Variants in EXTL3 observed in about 807,000 individuals in gnomAD.
EXTL3 encodes the protein exostosin like glycosyltransferase 3, also known as exostosin-like 3.
EXTL3 carries 27 observed loss-of-function variants against 69.3 expected under a neutral mutation model. The observed-to-expected ratio is 0.39, with a 90% CI of 0.29 to 0.54. The LOEUF (loss-of-function observed/expected upper bound fraction) is 0.54. EXTL3 is among the 20% of genes least tolerant of loss of function. The pLI, the probability that EXTL3 is intolerant of heterozygous loss-of-function variation, is 0.69. For synonymous variants in EXTL3, 511 were observed against 499.4 expected (o/e 1.02, Z -0.31); for missense variants, 1,003 against 1,231.8 (o/e 0.81, Z 2.78).
chr8:28,664,661 G>A (rs1272721734), intron 1 of EXTL3, among the ~76,000 whole-genome samples: 4 of 152,004 alleles, frequency 2.6e-5, no homozygotes, highest in African/African-American at 9.7e-5. Context: ...CTTTCCCCAG[G>A]CATTTGAAGA....
chr8:28,717,041 T>C lies in EXTL3; in HGVS notation c.982T>C (p.Phe328Leu). The C allele has an allele frequency of 1.2e-6, 2 of 1,614,192 alleles. No individual in the cohort carries two copies. The highest frequency in any genetic ancestry group is 1.7e-6 in the Non-Finnish European group (2 of 1,180,026). ...PLVHAMSEPN[F>L]MEIPPQVPVK... The stretch of plus-strand genomic sequence containing the variant: ...GGTCCATGCCATGTCTGAGCCCAAC[T>C]TCATGGAAATCCCACCACAGGTGCC... Residue 328 changes from phenylalanine to leucine, a missense_variant, in exon 3 of 7, where the codon TTC becomes CTC. Transcript: ENST00000220562. The surrounding 1 kb of genome is among the most constrained non-coding windows in gnomAD (Gnocchi z 8.3).
intron 1 of EXTL3, among the ~76,000 whole-genome samples, chr8:28,687,062 T>G (rs529996448): frequency 1.1e-4 from 16 of 152,236 alleles, no homozygotes; most frequent in African/African-American, 3.1e-4. Flanking sequence ...TGATAGCCAG[T>G]TGGACATGCT....
At chr8:28,628,611 G>A (rs562271052) in intron 1 of EXTL3, among the ~76,000 whole-genome samples, 6 of 152,262 alleles carry the variant, frequency 3.9e-5, no homozygotes, top group African/African-American at 1.2e-4. Context: ...GGTATGTCAC[G>A]TTATGATCAG....
At chr8:28,712,977 C>G (rs892706801) in intron 1 of EXTL3, among the ~76,000 whole-genome samples, 1 of 152,174 alleles carries the variant, frequency 6.6e-6, no homozygotes, top group African/African-American at 2.4e-5. Flanking sequence ...TAATAAGCCC[C>G]CATGGGTACC....
In EXTL3 at chr8:28,750,451, A is replaced by G. The variant is rs994513348; in HGVS notation, c.2551-206A>G. Among the ~76,000 whole-genome samples, 5 of 152,234 alleles carry G rather than the reference A, an allele frequency of 3.3e-5. No individual in the cohort carries two copies. Among genetic ancestry groups the G allele is most frequent in the African/African-American group, 4.8e-5 (2 of 41,454 alleles). On this transcript the variant is annotated intron_variant, in intron 6 of 6. Transcript: ENST00000220562. The surrounding 1 kb of genome is among the most constrained non-coding windows in gnomAD (Gnocchi z 5.2). ...CATCTGAGAAGCGTAGGCCATCTCA[A>G]CAGAATACCTGACAATGTTCTGGAG...
intron 1 of EXTL3, among the ~76,000 whole-genome samples, chr8:28,683,849 G>C (rs1360940815): frequency 6.6e-6 from 1 of 151,608 alleles, no homozygotes; most frequent in Non-Finnish European, 1.5e-5. Context: ...TCACCCTGTT[G>C]TGCTATCAAA....
chr8:28,629,302 A>G (rs1206438504), intron 1 of EXTL3, among the ~76,000 whole-genome samples: 1 of 152,152 alleles, frequency 6.6e-6, no homozygotes, highest in Admixed American at 6.6e-5. Context: ...TTGCTACAGC[A>G]CATTCATAGG....
chr8:28,671,309 G>GTTTTTTTTTTTTT (rs749395423), intron 1 of EXTL3, among the ~76,000 whole-genome samples: 74 of 89,592 alleles, frequency 8.3e-4, no homozygotes, highest in East Asian at 2.5e-3. Flanking sequence ...TTTGTTTTTT[G>GTTTTTTTTTTTTT]TTTTTTTTTT....
intron 1 of EXTL3, among the ~76,000 whole-genome samples, chr8:28,663,865 T>G (rs1377490275): frequency 6.6e-6 from 1 of 152,196 alleles, no homozygotes; most frequent in Non-Finnish European, 1.5e-5. Context: ...TCAGTTTTCC[T>G]CTCTGGGGCA....
At chr8:28,739,886 C>T (rs139856412) in intron 5 of EXTL3, 17 of 152,302 alleles carry the variant, frequency 1.1e-4, no homozygotes, top group Non-Finnish European at 1.9e-4. Context: ...TCTACTCATA[C>T]CTTGAGGATG....
chr8:28,612,469 A>G (rs1806283631), intron 2 of EXTL3, among the ~76,000 whole-genome samples: 1 of 151,718 alleles, frequency 6.6e-6, no homozygotes, highest in Non-Finnish European at 1.5e-5. Context: ...CTCTTAAAAA[A>G]AAAAAAAAGA....
At chr8:28,619,524 C>G (rs552777676), upstream of EXTL3, among the ~76,000 whole-genome samples, 1 of 152,020 alleles carries the variant, frequency 6.6e-6, no homozygotes, top group Non-Finnish European at 1.5e-5. Flanking sequence ...GACCCACTGC[C>G]CATGGCTCCC....
intron 1 of EXTL3, among the ~76,000 whole-genome samples, chr8:28,658,619 C>T (rs1187835882): frequency 3.9e-5 from 6 of 152,166 alleles, no homozygotes; most frequent in South Asian, 4.1e-4. Flanking sequence ...CTCGCTCTGT[C>T]GCCCAGGCTG....
At chr8:28,698,287 A>G (rs1800716587), upstream of EXTL3, 1 of 152,204 alleles carries the variant, frequency 6.6e-6, no homozygotes, top group Admixed American at 6.5e-5. Context: ...GAGGAGTGCA[A>G]AGTGGGAAGG....
upstream of EXTL3, chr8:28,701,317 C>G (rs1013801718): frequency 7.9e-5 from 12 of 151,848 alleles, no homozygotes; most frequent in Non-Finnish European, 1.5e-4. Flanking sequence ...CGCGCCCCCC[C>G]GCGCCTCCCA....
chr8:28,707,951 G>T (rs375827995), intron 1 of EXTL3, among the ~76,000 whole-genome samples: 6 of 152,290 alleles, frequency 3.9e-5, no homozygotes, highest in African/African-American at 1.4e-4. Flanking sequence ...AGATAACTTG[G>T]AGTAATCAAT....
At chr8:28,713,571 C>A (rs1801075674) in intron 2 of EXTL3, 21 bp downstream of exon 2, 3 of 700,180 alleles carry the variant, frequency 4.3e-6, no homozygotes, top group Non-Finnish European at 7.8e-6. Flanking sequence ...AATGAGTCAG[C>A]TGGATTGCTG....
intron 2 of EXTL3, among the ~76,000 whole-genome samples, chr8:28,607,909 G>A (rs34005048): frequency 0.35 from 53,065 of 151,224 alleles, 9,532 homozygotes; most frequent in African/African-American, 0.38. Flanking sequence ...TCAGGAGATC[G>A]AGACCATCCT....
At chr8:28,615,742 A>AT (rs34486550) in intron 2 of EXTL3, among the ~76,000 whole-genome samples, 44,200 of 147,290 alleles carry the variant, frequency 0.3, 6,635 homozygotes, top group African/African-American at 0.36. Flanking sequence ...TAACTTTTGT[A>AT]TTTTTTTTTT....
Sources: allele counts gnomAD v4.1 joint callset (sites outside exome capture counted in the v4.1 genomes callset), GRCh38; gene constraint gnomAD v4.1.1; non-coding constraint Gnocchi (gnomAD v3.1); transcripts MANE v1.5; gene names NCBI Gene and HGNC (gene_info 2026-07-23, HGNC 2026-07-21).